ITPR2: variants seen among roughly 807,000 people sequenced by gnomAD.
ITPR2 encodes inositol 1,4,5-trisphosphate receptor type 2.
Under a neutral mutation model 317.1 loss-of-function variants are expected in ITPR2, and 207 were observed. The ratio of observed to expected loss-of-function variants is 0.65; its 90% CI spans 0.58 to 0.73. The LOEUF (loss-of-function observed/expected upper bound fraction) is 0.73. Ranked by LOEUF, ITPR2 falls within the 30% of genes least tolerant of loss-of-function variation. ITPR2 has a pLI of 0.00. For missense variants in ITPR2, 2,613 were observed against 3,284.0 expected (o/e 0.80, Z 4.99); for synonymous variants, 1,156 against 1,149.1 (o/e 1.01, Z -0.12).
chr12:26,719,375 C>A (rs1948794687), intron 5 of ITPR2, among the ~76,000 whole-genome samples: 2 of 152,202 alleles, frequency 1.3e-5, no homozygotes, highest in South Asian at 4.1e-4. Context: ...CCATCACATT[C>A]ACTCTAGTAC....
At chr12:26,760,904 T>G (rs752484476) in intron 2 of ITPR2, among the ~76,000 whole-genome samples, 3 of 152,184 alleles carry the variant, frequency 2.0e-5, no homozygotes, top group Non-Finnish European at 4.4e-5. Flanking sequence ...ACATTCATAA[T>G]TGAAGGCAAT....
intron 2 of ITPR2, among the ~76,000 whole-genome samples, chr12:26,762,092 A>G (rs1339916554): frequency 6.6e-6 from 1 of 152,194 alleles, no homozygotes; most frequent in Admixed American, 6.5e-5. Flanking sequence ...AGCCTACATG[A>G]GTATAGGATA....
intron 37 of ITPR2, among the ~76,000 whole-genome samples, chr12:26,547,941 C>T (rs1439772207): frequency 6.6e-6 from 1 of 152,146 alleles, no homozygotes; most frequent in African/African-American, 2.4e-5. Context: ...TAAAACTTGG[C>T]TATGATCAAA....
chr12:26,802,553 A>C (rs1194143478), intron 1 of ITPR2, among the ~76,000 whole-genome samples: 7 of 138,400 alleles, frequency 5.1e-5, no homozygotes, highest in South Asian at 2.3e-4. Context: ...GGAGATATAT[A>C]TATATCTATA....
At chr12:26,783,254 G>C (rs1372381198) in intron 2 of ITPR2, among the ~76,000 whole-genome samples, 1 of 152,196 alleles carries the variant, frequency 6.6e-6, no homozygotes, top group African/African-American at 2.4e-5. Context: ...TGCCAGAAGT[G>C]GCCCCATGGT....
chr12:26,582,361 C>A (rs1444761604), intron 32 of ITPR2, among the ~76,000 whole-genome samples: 4 of 152,078 alleles, frequency 2.6e-5, no homozygotes, highest in Non-Finnish European at 5.9e-5. Context: ...ATCAAATGAT[C>A]TTTTTATGTG....
intron 2 of ITPR2, among the ~76,000 whole-genome samples, chr12:26,740,509 A>C (rs1352798946): frequency 6.6e-6 from 1 of 152,232 alleles, no homozygotes; most frequent in Non-Finnish European, 1.5e-5. Flanking sequence ...GATACGTCAC[A>C]CAGTAGAAAG....
At chr12:26,668,711 T>A (rs1258877863) in intron 13 of ITPR2, among the ~76,000 whole-genome samples, 1 of 151,860 alleles carries the variant, frequency 6.6e-6, no homozygotes, top group Non-Finnish European at 1.5e-5. Context: ...TTTAAATGAG[T>A]GTGTATTCAG....
chr12:26,539,626 C>T (rs1296773763), intron 37 of ITPR2, among the ~76,000 whole-genome samples: 3 of 152,190 alleles, frequency 2.0e-5, no homozygotes, highest in Non-Finnish European at 4.4e-5. Context: ...GCTGAGCTCA[C>T]ACCATAACTG....
chr12:26,482,591 C>T (rs1410533098), intron 42 of ITPR2, among the ~76,000 whole-genome samples: 1 of 152,138 alleles, frequency 6.6e-6, no homozygotes, highest in African/African-American at 2.4e-5. Flanking sequence ...TGTATCATTG[C>T]TCTGGGAGAC....
chr12:26,444,469 C>A (rs1015792718), intron 45 of ITPR2, among the ~76,000 whole-genome samples: 3 of 152,118 alleles, frequency 2.0e-5, no homozygotes, highest in African/African-American at 4.8e-5. Context: ...TCACTCCCAG[C>A]ACAATGCCTG....
At chr12:26,816,334 C>T (rs1015280389) in intron 1 of ITPR2, among the ~76,000 whole-genome samples, 1 of 152,040 alleles carries the variant, frequency 6.6e-6, no homozygotes, top group Non-Finnish European at 1.5e-5. Flanking sequence ...TTGCCATTAA[C>T]GTCATGGTGA....
intron 52 of ITPR2, among the ~76,000 whole-genome samples, chr12:26,405,143 A>T (rs1444667254): frequency 2.0e-5 from 3 of 152,142 alleles, no homozygotes; most frequent in African/African-American, 7.2e-5. Flanking sequence ...TCAAAAAAAA[A>T]AAAAGAAGAA....
At chr12:26,543,765 T>A (rs1944321743) in intron 37 of ITPR2, among the ~76,000 whole-genome samples, 2 of 152,118 alleles carry the variant, frequency 1.3e-5, no homozygotes, top group Non-Finnish European at 2.9e-5. Flanking sequence ...CAAGACTCTG[T>A]CTCAAAGAAA....
chr12:26,570,053 T>C (rs1945119266), intron 34 of ITPR2, among the ~76,000 whole-genome samples: 1 of 152,214 alleles, frequency 6.6e-6, no homozygotes, highest in Admixed American at 6.5e-5. Flanking sequence ...TACTCACCCA[T>C]TTATTTGTAT....
At chr12:26,407,770 T>C (rs1940400766) in intron 52 of ITPR2, among the ~76,000 whole-genome samples, 1 of 152,230 alleles carries the variant, frequency 6.6e-6, no homozygotes, top group Non-Finnish European at 1.5e-5. Flanking sequence ...ACTTATTTAA[T>C]GCCTCTTTCC....
At chr12:26,577,525 G>A (rs1004719397) in intron 34 of ITPR2, among the ~76,000 whole-genome samples, 2 of 151,930 alleles carry the variant, frequency 1.3e-5, no homozygotes, top group African/African-American at 4.8e-5. Context: ...TGTTTTTGTT[G>A]CTATTGATAA....
At chr12:26,678,412 C>CGG (rs1555175924) in intron 13 of ITPR2, among the ~76,000 whole-genome samples, 1 of 149,420 alleles carries the variant, frequency 6.7e-6, no homozygotes, top group African/African-American at 2.5e-5. Flanking sequence ...AAAGGGAAGA[C>CGG]AGAGAGAGAG....
In ITPR2 at chr12:26,561,771, T is replaced by C; in HGVS notation, c.4812A>G (p.Glu1604=). 3.2e-6 allele frequency: 5 copies of C among 1,571,074 alleles called. No individual in the cohort carries two copies. Among genetic ancestry groups the C allele is most frequent in the Non-Finnish European group, 3.4e-6 (4 of 1,168,482 alleles). ...TCACGCTTTCATGTACCTGTAACTT[T>C]TCAATAATATTTCTGTAATCCCAAG... ...GPAWDYRNII[E]KLQDVVASLE... is the part of the protein sequence containing the mutation. Residue 1604 remains glutamate, a synonymous_variant, in exon 35 of 57, where the codon GAA becomes GAG. Coordinates refer to ENST00000381340, the MANE Select transcript of ITPR2 (RefSeq NM_002223.4).
Sources: allele counts gnomAD v4.1 joint callset (sites outside exome capture counted in the v4.1 genomes callset), GRCh38; gene constraint gnomAD v4.1.1; transcripts MANE v1.5; gene names NCBI Gene and HGNC (gene_info 2026-07-23, HGNC 2026-07-21).